PCDHGB6: variants seen among roughly 807,000 people sequenced by gnomAD.
PCDHGB6 encodes the protein protocadherin gamma-B6.
In PCDHGB6, 51 loss-of-function variants were observed where a neutral mutation model predicts 59.1. That is an observed-to-expected ratio of 0.86 (90% CI 0.69 to 1.09). The LOEUF (loss-of-function observed/expected upper bound fraction) is 1.09, where lower values mean the gene tolerates loss of function less well. PCDHGB6 is among the 50% of genes least tolerant of loss of function. The pLI, the probability that PCDHGB6 is intolerant of heterozygous loss-of-function variation, is 0.00. For synonymous variants in PCDHGB6, 466 were observed against 495.1 expected (o/e 0.94, Z 0.78); for missense variants, 1,148 against 1,205.1 (o/e 0.95, Z 0.70).
At chr5:141,429,196 A>ACACACT in intron 1 of PCDHGB6, 1 of 151,994 alleles carries the variant, frequency 6.6e-6, no homozygotes, top group Non-Finnish European at 1.5e-5. Context: ...ACACACACAC[A>ACACACT]CACACACACG....
At chr5:141,502,082 G>A (rs538827992) in intron 2 of PCDHGB6, among the ~76,000 whole-genome samples, 1 of 152,252 alleles carries the variant, frequency 6.6e-6, no homozygotes, top group Non-Finnish European at 1.5e-5. Flanking sequence ...ACCTGGGGCT[G>A]AGAACACCTG....
At chr5:141,423,674 C>T (rs57195665) in intron 1 of PCDHGB6, 3 of 1,514,742 alleles carry the variant, frequency 2.0e-6, no homozygotes, top group African/African-American at 1.5e-5. Context: ...AGATTTATTT[C>T]TCTGCCTCCT....
chr5:141,425,812 G>GA (rs574320012), intron 1 of PCDHGB6, among the ~76,000 whole-genome samples: 9 of 152,054 alleles, frequency 5.9e-5, no homozygotes, highest in South Asian at 4.1e-4. Flanking sequence ...CTTCTGCTTA[G>GA]AAAAAAACAA....
intron 1 of PCDHGB6, among the ~76,000 whole-genome samples, chr5:141,467,254 T>C (rs1291193879): frequency 2.0e-5 from 3 of 152,248 alleles, no homozygotes; most frequent in Admixed American, 6.5e-5. Flanking sequence ...GGTTTCACCA[T>C]GTTGGCCAGG....
intron 1 of PCDHGB6, among the ~76,000 whole-genome samples, chr5:141,437,886 C>A (rs763669578): frequency 6.6e-6 from 1 of 152,022 alleles, no homozygotes; most frequent in Non-Finnish European, 1.5e-5. Flanking sequence ...TACAGGCACA[C>A]GCCACCACAC....
chr5:141,471,044 CT>C (rs1432278092), intron 1 of PCDHGB6, among the ~76,000 whole-genome samples: 3 of 136,442 alleles, frequency 2.2e-5, no homozygotes. Flanking sequence ...AGCCCAAGCC[CT>C]CTTTTTTTTT....
intron 1 of PCDHGB6, chr5:141,417,617 A>G (rs576281946): frequency 9.3e-6 from 6 of 646,206 alleles, no homozygotes; most frequent in African/African-American, 1.8e-5. Flanking sequence ...GCCAGTGCAG[A>G]GCAAGCGCTG....
chr5:141,428,368 C>T, intron 1 of PCDHGB6: 1 of 545,002 alleles, frequency 1.8e-6, no homozygotes, highest in Non-Finnish European at 3.4e-6. Context: ...GGTCGCCTTG[C>T]ACCTGCGATG....
intron 1 of PCDHGB6, among the ~76,000 whole-genome samples, chr5:141,469,436 G>T (rs556417221): frequency 6.6e-6 from 1 of 152,002 alleles, no homozygotes; most frequent in Non-Finnish European, 1.5e-5. Flanking sequence ...TTAGCTGGGC[G>T]TGGTGGTGCA....
chr5:141,420,993 C>T (rs956578377), intron 1 of PCDHGB6: 2 of 501,412 alleles, frequency 4.0e-6, no homozygotes, highest in Non-Finnish European at 7.0e-6. Context: ...GGCGCCGCTG[C>T]TCACCAATCA....
chr5:141,509,882 G>A (rs1374735632), intron 3 of PCDHGB6, among the ~76,000 whole-genome samples: 1 of 152,182 alleles, frequency 6.6e-6, no homozygotes. Context: ...GGTGGTGATG[G>A]TGACTGACTG....
intron 1 of PCDHGB6, among the ~76,000 whole-genome samples, chr5:141,446,022 T>C (rs2098484874): frequency 1.3e-5 from 2 of 152,198 alleles, no homozygotes; most frequent in Admixed American, 1.3e-4. Flanking sequence ...TATGGCAATA[T>C]TCCTGGTAAG....
intron 1 of PCDHGB6, among the ~76,000 whole-genome samples, chr5:141,447,863 A>G (rs553375129): frequency 6.6e-6 from 1 of 152,254 alleles, no homozygotes; most frequent in East Asian, 1.9e-4. Flanking sequence ...AGGTGGGTGA[A>G]TCATCTGAGG....
Position 141,418,262 on chromosome 5 carries a change from A to G in PCDHGB6, c.2418+7642A>G. On this transcript the variant is annotated intron_variant, in intron 1 of 3. Transcript: ENST00000520790. Reference sequence around the variant, plus strand: ...TAATGACCACGCCCCTCAATTCCGGAAAGATGAAATAAACTTAGAAATCAG... The same window carrying G: ...TAATGACCACGCCCCTCAATTCCGGGAAGATGAAATAAACTTAGAAATCAG... 2 of 1,614,068 alleles carry G rather than the reference A, an allele frequency of 1.2e-6. No homozygotes were observed. The highest frequency in any genetic ancestry group is 1.7e-6 in the Non-Finnish European group (2 of 1,179,902).
chr5:141,422,661 C>T (rs1289162498), intron 1 of PCDHGB6: 7 of 1,608,938 alleles, frequency 4.4e-6, no homozygotes, highest in Admixed American at 1.7e-5. Flanking sequence ...TGACCGCCCT[C>T]GACCCGGACA....
intron 1 of PCDHGB6, among the ~76,000 whole-genome samples, chr5:141,465,205 G>A (rs1460694369): frequency 6.6e-6 from 1 of 151,892 alleles, no homozygotes; most frequent in Admixed American, 6.6e-5. Flanking sequence ...AAAAATATAA[G>A]CTTTATTTTT....
rs1376069004 is a variant in PCDHGB6 at position 141,457,869 on chromosome 5, G to T, written c.2419-36938G>T. On this transcript the variant is annotated intron_variant, in intron 1 of 3. Transcript: ENST00000520790. ...AAGTGACATTCTTCACTGACCACAG[G>T]TTAGGAACCCTGTGTGGGGACTGTG... 2.0e-5 allele frequency among the ~76,000 whole-genome samples: 3 copies of T among 152,334 alleles called. No individual in the cohort carries two copies. The East Asian group carries it at 5.8e-4, about 29-fold the overall frequency.
At chr5:141,418,409 G>C in intron 1 of PCDHGB6, 4 of 1,613,910 alleles carry the variant, frequency 2.5e-6, no homozygotes, top group Admixed American at 1.7e-5. Context: ...GGTGGAGAAA[G>C]ACAATCCTGA....
At chr5:141,417,789 C>G in intron 1 of PCDHGB6, 1 of 1,477,596 alleles carries the variant, frequency 6.8e-7, no homozygotes, top group Non-Finnish European at 9.0e-7. Context: ...GGGCCGAATG[C>G]TCTTTTAGCG....
Sources: allele counts gnomAD v4.1 joint callset (sites outside exome capture counted in the v4.1 genomes callset), GRCh38; gene constraint gnomAD v4.1.1; transcripts MANE v1.5; gene names NCBI Gene and HGNC (gene_info 2026-07-23, HGNC 2026-07-21).